Variants in GPR176 observed in about 807,000 individuals in gnomAD.
GPR176 encodes the protein G protein-coupled receptor 176.
In GPR176, 26 loss-of-function variants were observed where a neutral mutation model predicts 35.4. The ratio of observed to expected loss-of-function variants is 0.74; its 90% CI spans 0.54 to 1.02. The LOEUF is 1.02. GPR176 is among the 50% of genes least tolerant of loss of function. The pLI is 0.00. For synonymous variants in GPR176, 278 were observed against 271.3 expected (o/e 1.02, Z -0.24); for missense variants, 597 against 665.3 (o/e 0.90, Z 1.13).
At chr15:39,869,094 C>T (rs1239418980) in intron 1 of GPR176, among the ~76,000 whole-genome samples, 3 of 150,106 alleles carry the variant, frequency 2.0e-5, no homozygotes, top group African/African-American at 7.4e-5. Flanking sequence ...TGTGTATACA[C>T]TCCCCTCTGC....
chr15:39,852,000 T>C (rs2030907766), intron 1 of GPR176, among the ~76,000 whole-genome samples: 2 of 152,116 alleles, frequency 1.3e-5, no homozygotes, highest in African/African-American at 4.8e-5. Flanking sequence ...CATAAAGACA[T>C]GTAATCAGAT....
At chr15:39,809,966 A>T (rs1595436491) in intron 1 of GPR176, among the ~76,000 whole-genome samples, 1 of 152,106 alleles carries the variant, frequency 6.6e-6, no homozygotes, top group African/African-American at 2.4e-5. Context: ...TAACATGGTG[A>T]AACCCCGTCT....
At chr15:39,915,720 CA>C (rs879558912) in intron 1 of GPR176, among the ~76,000 whole-genome samples, 1 of 150,950 alleles carries the variant, frequency 6.6e-6, no homozygotes, top group Admixed American at 6.6e-5. Context: ...ACTAAAAATA[CA>C]AAAAAAAATT....
chr15:39,850,035 A>T (rs2030745099), intron 1 of GPR176, among the ~76,000 whole-genome samples: 1 of 152,172 alleles, frequency 6.6e-6, no homozygotes, highest in African/African-American at 2.4e-5. Context: ...TGGTAAAAAT[A>T]TGGTATAAAA....
intron 1 of GPR176, among the ~76,000 whole-genome samples, chr15:39,837,993 TAAAAAAAAA>T (rs5812142): frequency 0.097 from 12,102 of 124,540 alleles, 1,605 homozygotes; most frequent in African/African-American, 0.31. Context: ...CTCCATTAAT[TAAAAAAAAA>T]AAAAAAAAAA....
chr15:39,801,734 T>C lies in GPR176; in HGVS notation c.946A>G (p.Asn316Asp). ...TTCACAGTAAGAAAGAGAACAGGGT[T>C]TGCCAGCAGGGAGACTTTGGGCAGC... is the stretch of plus-strand genomic sequence containing the variant. ...VWLPKVSLLA[N>D]PVLFLTVNKS... The change falls in exon 3 of 3, where the codon AAC becomes GAC. Residue 316 changes from asparagine to aspartate, a missense_variant. Physicochemically the swap from Asn to Asp is conservative, Grantham distance 23. This residue lies in a region of GPR176 where 251 missense variants were observed against 255.4 expected (regional missense o/e 0.98). Coordinates refer to ENST00000561100, the MANE Select transcript of GPR176 (RefSeq NM_007223.3). 1 of 1,613,814 alleles carries C rather than the reference T, an allele frequency of 6.2e-7. No homozygotes were observed.
At chr15:39,826,049 G>T (rs915375652) in intron 1 of GPR176, among the ~76,000 whole-genome samples, 1 of 152,088 alleles carries the variant, frequency 6.6e-6, no homozygotes. Context: ...CTGCCGTTAT[G>T]GGGGAAGAAC....
Position 39,807,114 on chromosome 15 carries a change from T to C in GPR176, c.317A>G (p.His106Arg). ...PFDIILSTSP[H>R]CCWWIYTMLF... ...CATGGTGTAGATCCACCAGCAACAG[T>C]GAGGACTGGTGCTGAGGATGATGTC... is the stretch of plus-strand genomic sequence containing the variant. Residue 106 changes from histidine to arginine, a missense_variant, in exon 2 of 3, where the codon CAC becomes CGC. Transcript: ENST00000561100. 6.4e-7 allele frequency: 1 copy of C among 1,569,054 alleles called. No individual in the cohort carries two copies. The highest frequency in any genetic ancestry group is 1.1e-5 in the South Asian group (1 of 87,724).
chr15:39,918,161 C>T (rs557377063), intron 1 of GPR176, among the ~76,000 whole-genome samples: 2 of 151,898 alleles, frequency 1.3e-5, no homozygotes, highest in African/African-American at 4.8e-5. Context: ...CTCACAAGTG[C>T]TATGTGGAGA....
At position 39,839,216 on chromosome 15, in the gene GPR176, C is replaced by T. The variant is rs145590472; in HGVS notation, c.173-31958G>A. Among the ~76,000 whole-genome samples the T allele has an allele frequency of 6.0e-3, 916 of 152,202 alleles. 17 individuals carry two copies. The highest frequency in any genetic ancestry group is 0.021 in the African/African-American group (873 of 41,518). ...CAAAAGAACAAAGCTGGAGGCATCA[C>T]GCTACCTGACTTCAAACTATACTAC... is the stretch of plus-strand genomic sequence containing the variant. On this transcript the variant is annotated intron_variant, in intron 1 of 2. Coordinates refer to ENST00000561100, the MANE Select transcript of GPR176 (RefSeq NM_007223.3).
At chr15:39,839,319 T>C (rs1039010759) in intron 1 of GPR176, among the ~76,000 whole-genome samples, 3 of 151,996 alleles carry the variant, frequency 2.0e-5, no homozygotes, top group Non-Finnish European at 4.4e-5. Flanking sequence ...TCAGAAATAA[T>C]ACCACACATC....
chr15:39,837,827 A>C (rs923469281), intron 1 of GPR176, among the ~76,000 whole-genome samples: 2 of 152,002 alleles, frequency 1.3e-5, no homozygotes, highest in African/African-American at 4.8e-5. Context: ...CCAGAGTACA[A>C]CATAGTGCTT....
At chr15:39,831,501 C>T (rs192191911) in intron 1 of GPR176, among the ~76,000 whole-genome samples, 77 of 152,236 alleles carry the variant, frequency 5.1e-4, no homozygotes, top group African/African-American at 1.1e-3. Flanking sequence ...TGGTTTCCTA[C>T]CTGCCCCCAA....
chr15:39,895,932 G>A (rs188338406), intron 1 of GPR176, among the ~76,000 whole-genome samples: 25 of 151,996 alleles, frequency 1.6e-4, no homozygotes, highest in Non-Finnish European at 1.5e-5. Context: ...TAAAAGCTTC[G>A]ATAGGAAATA....
chr15:39,907,709 A>G (rs551444837), intron 1 of GPR176, among the ~76,000 whole-genome samples: 11 of 152,362 alleles, frequency 7.2e-5, no homozygotes, highest in Admixed American at 3.3e-4. Flanking sequence ...GGGGGGCTAC[A>G]TCGAACAGTG....
chr15:39,919,826 G>A lies in GPR176; in HGVS notation c.172+29C>T, dbSNP rs770941070. On this transcript the variant is annotated intron_variant, in intron 1 of 2. Transcript: ENST00000561100. ...CGAGCCTGTACCCTCGGGGAGGCCC[G>A]GTCCGGAGGCGCCCCGCGGGAGGCT... The A allele has an allele frequency of 1.3e-5, 18 of 1,372,476 alleles. No homozygotes were observed. The African/African-American group carries it at 2.6e-4, about 20-fold the overall frequency. 85.0% of individuals were successfully genotyped at this position (1,372,476 alleles called of 1,614,324 possible).
chr15:39,896,073 G>A (rs2033103685), intron 1 of GPR176, among the ~76,000 whole-genome samples: 2 of 151,570 alleles, frequency 1.3e-5, no homozygotes, highest in Admixed American at 1.3e-4. Context: ...TTTTTTTTTA[G>A]AGACAAGATC....
intron 1 of GPR176, among the ~76,000 whole-genome samples, chr15:39,842,171 C>T (rs1315737189): frequency 1.3e-5 from 2 of 152,112 alleles, no homozygotes; most frequent in Non-Finnish European, 2.9e-5. Flanking sequence ...GTTTAATTGG[C>T]ACACAGTTCC....
At chr15:39,895,337 C>T (rs2033081937) in intron 1 of GPR176, among the ~76,000 whole-genome samples, 2 of 151,340 alleles carry the variant, frequency 1.3e-5, no homozygotes, top group African/African-American at 4.9e-5. Context: ...ACTTGCTTCT[C>T]CCACCAGCCA....
Sources: allele counts gnomAD v4.1 joint callset (sites outside exome capture counted in the v4.1 genomes callset), GRCh38; gene constraint gnomAD v4.1.1; regional missense constraint gnomAD v4.1.1; transcripts MANE v1.5; gene names NCBI Gene and HGNC (gene_info 2026-07-23, HGNC 2026-07-21).